The following ZP4 variants were observed in gnomAD, a reference collection of about 807,000 sequenced individuals.
ZP4 encodes the protein zona pellucida glycoprotein 4, also known as zona pellucida sperm-binding protein 4.
Under a neutral mutation model 62.3 loss-of-function variants are expected in ZP4, and 62 were observed. That is an observed-to-expected ratio of 0.99 (90% CI 0.81 to 1.23). ZP4 has a LOEUF of 1.23. Among genes scored for constraint, ZP4 ranks in the 50% most tolerant of loss-of-function variants. The pLI, the probability that ZP4 is intolerant of heterozygous loss-of-function variation, is 0.00. For missense variants in ZP4, 774 were observed against 656.0 expected, an observed-to-expected ratio of 1.18 and a Z score of -1.97; for synonymous variants, 289 against 247.3, an observed-to-expected ratio of 1.17 and a Z score of -1.58.
In ZP4 at chr1:237,887,374, C is replaced by T; in HGVS notation, c.741G>A (p.Gln247=). 1 of 1,613,708 alleles carries T rather than the reference C, an allele frequency of 6.2e-7. No homozygotes were observed. The highest frequency in any genetic ancestry group is 8.5e-7 in the Non-Finnish European group (1 of 1,179,748). The change falls in exon 5 of 12, where the codon CAG becomes CAA. Residue 247 remains glutamine, a splice_region_variant and synonymous_variant. Coordinates refer to ENST00000366570, the MANE Select transcript of ZP4 (RefSeq NM_021186.5). ...CCAGGAACAAAGCCCAACTGCTCAC[C>T]TGTCTTGTGGTGCCACAGGAAGTAA... ...FPFTSCGTTR[Q]ITGDRAVYEN... is the part of the protein sequence containing the mutation.
intron 11 of ZP4, 66 bp from the exon 12 acceptor site, chr1:237,882,615 G>C: frequency 6.4e-7 from 1 of 1,571,644 alleles, no homozygotes. Flanking sequence ...TCCTGACAAA[G>C]ACTAGCAGTC....
Position 237,885,454 on chromosome 1 carries a change from T to C in ZP4, c.1097A>G (p.Gln366Arg), listed in dbSNP as rs1260706085. ...TDPYLGLLLQQCWATPSTDPL... is the reference protein window; with the variant it reads ...TDPYLGLLLQRCWATPSTDPL... The stretch of plus-strand genomic sequence containing the variant: ...GTCAGTGCTGGGTGTTGCCCAACAC[T>C]GTTGTAGGAGCAGCCCCAGGTAGGG... The change falls in exon 8 of 12, where the codon CAG becomes CGG. Residue 366 changes from glutamine (Q) to arginine (R), a missense_variant. Physicochemically the swap from Gln to Arg is conservative, Grantham distance 43. Transcript: ENST00000366570. 18 of 1,613,954 alleles carry C rather than the reference T, an allele frequency of 1.1e-5. No individual in the cohort carries two copies. Among genetic ancestry groups the C allele is most frequent in the Non-Finnish European group, 1.4e-5 (16 of 1,180,008 alleles).
chr1:237,886,713 C>A, intron 6 of ZP4, 58 bp downstream of exon 6: 1 of 1,459,646 alleles, frequency 6.9e-7, no homozygotes. Context: ...GGATTCAGGG[C>A]TTACCTGAGA....
intron 10 of ZP4, among the ~76,000 whole-genome samples, chr1:237,883,898 T>C (rs1175130572): frequency 1.3e-5 from 2 of 151,190 alleles, no homozygotes; most frequent in Non-Finnish European, 2.9e-5. Flanking sequence ...AGGTCGAGGC[T>C]ACCATGAACT....
chr1:237,888,689 T>C (rs1665167221), intron 3 of ZP4, among the ~76,000 whole-genome samples, 179 bp from the exon 4 acceptor site: 1 of 151,720 alleles, frequency 6.6e-6, no homozygotes, highest in Non-Finnish European at 1.5e-5. Context: ...TCTTGGGAGG[T>C]TGTCAACATT....
Position 237,885,152 on chromosome 1 carries a change from G to A in ZP4, c.1311+13C>T. ...CAGAGCCCTGGTGAGTGTCATGGAA[G>A]GGAACATCCTACCGGTCCCCTGAGG... is the stretch of plus-strand genomic sequence containing the variant. On this transcript the variant is annotated intron_variant, in intron 9 of 11. Coordinates refer to ENST00000366570, the MANE Select transcript of ZP4 (RefSeq NM_021186.5). The A allele has an allele frequency of 6.2e-7, 1 of 1,611,666 alleles. No individual in the cohort carries two copies. The highest frequency in any genetic ancestry group is 8.5e-7 in the Non-Finnish European group (1 of 1,178,898).
At chr1:237,887,702 A>C (rs2103019107) in intron 4 of ZP4, 141 bp from the exon 5 acceptor site, 3 of 799,446 alleles carry the variant, frequency 3.8e-6, no homozygotes, top group Non-Finnish European at 5.9e-6. Flanking sequence ...GTGCAAGATC[A>C]ACCAACCACA....
chr1:237,888,926 T>A (rs1665172621), intron 3 of ZP4, among the ~76,000 whole-genome samples: 1 of 152,168 alleles, frequency 6.6e-6, no homozygotes, highest in African/African-American at 2.4e-5. Context: ...CTCATTTTAT[T>A]AGTGCTGCCC....
intron 8 of ZP4, 36 bp downstream of exon 8, chr1:237,885,355 A>AC: frequency 1.2e-6 from 2 of 1,611,594 alleles, no homozygotes; most frequent in Non-Finnish European, 1.7e-6. Flanking sequence ...GGCTTCTTTG[A>AC]GAATTTCAGC....
Position 237,886,787 on chromosome 1 carries a change from G to C in ZP4, c.823C>G (p.Arg275Gly). 1 of 1,613,686 alleles carries C rather than the reference G, an allele frequency of 6.2e-7. No homozygotes were observed. The highest frequency in any genetic ancestry group is 8.5e-7 in the Non-Finnish European group (1 of 1,179,722). ...VKNGSRGSVTRDSIFRLHVSC... is the reference protein window; with the variant it reads ...VKNGSRGSVTGDSIFRLHVSC... ...AGCCCTTACCTGAAGATGCTGTCAC[G>C]AGTGACAGAGCCACGGCTCCCATTT... The change falls in exon 6 of 12, where the codon CGT (arginine) becomes GGT (glycine). Residue 275 changes from arginine (R) to glycine (G), a missense_variant. Arg to Gly is a moderately radical substitution (Grantham distance 125). Transcript: ENST00000366570.
chr1:237,888,081 C>T (rs545892326), intron 4 of ZP4, among the ~76,000 whole-genome samples: 1 of 152,330 alleles, frequency 6.6e-6, no homozygotes, highest in African/African-American at 2.4e-5. Context: ...GCCAAAGTCG[C>T]TATAAGTTTC....
At chr1:237,888,223 A>G in intron 4 of ZP4, 135 bp downstream of exon 4, 1 of 811,550 alleles carries the variant, frequency 1.2e-6, no homozygotes, top group Non-Finnish European at 1.8e-6. Flanking sequence ...CATTGGGATC[A>G]AGTGTTCTTG....
rs760939624 is a variant in ZP4 at position 237,890,601 on chromosome 1, G to GAAACACACAGCA, written c.23_34dup (p.Leu8_Val11dup). 2 of 1,613,966 alleles carry GAAACACACAGCA rather than the reference G, an allele frequency of 1.2e-6. No individual in the cohort carries two copies. Among genetic ancestry groups the GAAACACACAGCA allele is most frequent in the Non-Finnish European group, 1.7e-6 (2 of 1,180,004 alleles). The stretch of plus-strand genomic sequence containing the variant: ...CTGGCCACTCACAGCAAGAGATAAT[G>GAAACACACAGCA]AAACACACAGCAAAACGCACCGCAG... On this transcript the variant is annotated inframe_insertion, in exon 1 of 12. Transcript: ENST00000366570.
intron 3 of ZP4, 72 bp downstream of exon 3, chr1:237,889,795 G>A: frequency 7.4e-7 from 1 of 1,356,194 alleles, no homozygotes; most frequent in Non-Finnish European, 1.1e-6. Context: ...GAGCAGGTCA[G>A]AGAGGACCAA....
chr1:237,885,702 C>A, intron 7 of ZP4, 54 bp downstream of exon 7: 1 of 1,605,568 alleles, frequency 6.2e-7, no homozygotes, highest in South Asian at 1.1e-5. Context: ...TCTTCATGCC[C>A]CAGAAGACTG....
chr1:237,887,238 G>A (rs1309115178), intron 5 of ZP4, 136 bp downstream of exon 5: 3 of 992,388 alleles, frequency 3.0e-6, no homozygotes, highest in Non-Finnish European at 4.5e-6. Flanking sequence ...GCATTCTCCT[G>A]CCCTAGGGAC....
intron 10 of ZP4, 88 bp from the exon 11 acceptor site, chr1:237,882,934 T>C (rs1664950963): frequency 3.6e-6 from 4 of 1,109,308 alleles, no homozygotes; most frequent in Non-Finnish European, 5.2e-6. Context: ...GCCAAGTGTC[T>C]CTATAAAGCT....
Position 237,890,871 on chromosome 1 carries a change from C to A in ZP4, c.-236G>T. 2.5e-6 allele frequency: 1 copy of A among 402,978 alleles called. No individual in the cohort carries two copies. The highest frequency in any genetic ancestry group is 4.4e-6 in the Non-Finnish European group (1 of 228,126). The allele number at this position is 402,978 out of a possible 1,614,324, so 25.0% of individuals were successfully genotyped here. A position where few individuals can be genotyped will look rare whatever the true frequency, so the allele number is the denominator to read the frequency against. ...ACCACAATCCAGGCAGACTTCAGAG[C>A]CCAAGAAAAATGTAGTAACTTTTAG... On this transcript the variant is annotated 5_prime_UTR_variant, in exon 1 of 12. Coordinates refer to ENST00000366570, the MANE Select transcript of ZP4 (RefSeq NM_021186.5).
At chr1:237,888,583 C>A in intron 3 of ZP4, 73 bp from the exon 4 acceptor site, 1 of 1,464,974 alleles carries the variant, frequency 6.8e-7, no homozygotes, top group South Asian at 1.4e-5. Context: ...TGATACAAGT[C>A]ATTGACTTTG....
Sources: allele counts gnomAD v4.1 joint callset (sites outside exome capture counted in the v4.1 genomes callset), GRCh38; gene constraint gnomAD v4.1.1; transcripts MANE v1.5; gene names NCBI Gene and HGNC (gene_info 2026-07-23, HGNC 2026-07-21).